ELAPOR1: variants seen among roughly 807,000 people sequenced by gnomAD.
The protein encoded by ELAPOR1 is endosome/lysosome-associated apoptosis and autophagy regulator 1.
ELAPOR1 carries 77 observed loss-of-function variants against 119.7 expected under a neutral mutation model. The ratio of observed to expected loss-of-function variants is 0.64; its 90% CI spans 0.54 to 0.78. The LOEUF (loss-of-function observed/expected upper bound fraction) is 0.78, where lower values mean the gene tolerates loss of function less well. ELAPOR1 is among the 30% of genes least tolerant of loss of function. The pLI, the probability that ELAPOR1 is intolerant of heterozygous loss-of-function variation, is 0.00. For missense variants in ELAPOR1, 1,115 were observed against 1,270.4 expected (o/e 0.88, Z 1.86); for synonymous variants, 481 against 487.2 (o/e 0.99, Z 0.17).
At chr1:109,189,468 G>A in intron 10 of ELAPOR1, 124 bp from the exon 11 acceptor site, 1 of 902,884 alleles carries the variant, frequency 1.1e-6, no homozygotes, top group Non-Finnish European at 1.7e-6. Flanking sequence ...CACGGTTCAT[G>A]TTCAGTGGTG....
At chr1:109,141,143 TGCCCG>T (rs1649802385) in intron 1 of ELAPOR1, among the ~76,000 whole-genome samples, 5 of 151,782 alleles carry the variant, frequency 3.3e-5, no homozygotes, top group African/African-American at 1.2e-4. Flanking sequence ...TGAGCCATCA[TGCCCG>T]GCCAAATGCA....
intron 7 of ELAPOR1, 24 bp downstream of exon 7, chr1:109,173,861 A>T: frequency 6.2e-7 from 1 of 1,612,624 alleles, no homozygotes; most frequent in Non-Finnish European, 8.5e-7. Flanking sequence ...GGGTGGGAAG[A>T]GTTTGGGGAT....
chr1:109,116,680 C>CTTCTGTTCTTTTTTT (rs777051377), intron 1 of ELAPOR1, among the ~76,000 whole-genome samples: 4 of 96,868 alleles, frequency 4.1e-5, no homozygotes, highest in African/African-American at 1.1e-4. Context: ...CTTCTCTGTT[C>CTTCTGTTCTTTTTTT]TTTTTTTTTT....
chr1:109,143,534 T>C (rs1352965289), intron 1 of ELAPOR1, among the ~76,000 whole-genome samples: 1 of 152,222 alleles, frequency 6.6e-6, no homozygotes, highest in Non-Finnish European at 1.5e-5. Flanking sequence ...TGGGATTAGA[T>C]AGTGGTGATG....
Position 109,192,615 on chromosome 1 carries a change from G to A in ELAPOR1, c.1688G>A (p.Arg563Lys). ...CTCTTGTTTCCTTGTCTCCAGAGCA[G>A]GAAGTACACCAATGACGTTGCCAAG... Reference protein sequence around the residue: ...FQRTTFHEASRKYTNDVAKIY... With the variant: ...FQRTTFHEASKKYTNDVAKIY... Residue 563 changes from arginine to lysine, a missense_variant, in exon 14 of 22, where the codon AGG becomes AAG. Transcript: ENST00000369939. 3 of 1,613,844 alleles carry A rather than the reference G, an allele frequency of 1.9e-6. No individual in the cohort carries two copies. Among genetic ancestry groups the A allele is most frequent in the Non-Finnish European group, 2.5e-6 (3 of 1,179,900 alleles).
At chr1:109,184,591 T>C (rs564056892) in intron 7 of ELAPOR1, among the ~76,000 whole-genome samples, 9 of 152,254 alleles carry the variant, frequency 5.9e-5, no homozygotes, top group Non-Finnish European at 1.2e-4. Context: ...AATCATGTTT[T>C]ACTTCAACAC....
chr1:109,192,583 C>T, intron 13 of ELAPOR1, 28 bp from the exon 14 acceptor site: 1 of 1,611,346 alleles, frequency 6.2e-7, no homozygotes, highest in South Asian at 1.1e-5. Flanking sequence ...GGCCTCTCCC[C>T]TCTCCCCTCT....
chr1:109,166,658 G>A (rs1003548700), intron 3 of ELAPOR1, among the ~76,000 whole-genome samples: 8 of 152,156 alleles, frequency 5.3e-5, no homozygotes, highest in African/African-American at 1.4e-4. Flanking sequence ...TACAGCCGGC[G>A]AGATTGAAAT....
chr1:109,191,538 G>T, intron 12 of ELAPOR1, 67 bp downstream of exon 12: 1 of 1,410,052 alleles, frequency 7.1e-7, no homozygotes, highest in South Asian at 1.2e-5. Flanking sequence ...TGCCCCATTG[G>T]TGTGTCCACG....
intron 1 of ELAPOR1, among the ~76,000 whole-genome samples, chr1:109,122,325 C>G (rs1648484494): frequency 6.7e-6 from 1 of 150,104 alleles, no homozygotes; most frequent in South Asian, 2.1e-4. Flanking sequence ...AGGCGTGAGC[C>G]ACTGTGCCCA....
At position 109,122,576 on chromosome 1, in the gene ELAPOR1, A is replaced by G. The variant is rs141084092; in HGVS notation, c.153+8240A>G. Among the ~76,000 whole-genome samples, 1,474 of 152,054 alleles carry G rather than the reference A, an allele frequency of 9.7e-3. 24 individuals carry two copies. Among genetic ancestry groups the G allele is most frequent in the African/African-American group, 0.033 (1,358 of 41,478 alleles). On this transcript the variant is annotated intron_variant, in intron 1 of 21. Coordinates refer to ENST00000369939, the MANE Select transcript of ELAPOR1 (RefSeq NM_020775.5). ...CTAGGGAGACTGAGGTGGGAGGTTCACTTGAACCCATGAGTTAAAGATTAC... is the reference window on the plus strand; with the variant it reads ...CTAGGGAGACTGAGGTGGGAGGTTCGCTTGAACCCATGAGTTAAAGATTAC...
Position 109,186,494 on chromosome 1 carries a change from TAAC to T in ELAPOR1, c.1041+1364_1041+1366del, listed in dbSNP as rs112866320. 5,238 of 985,260 alleles carry T rather than the reference TAAC, an allele frequency of 5.3e-3. 151 individuals carry two copies. In the African/African-American group the frequency reaches 0.064, roughly 12 times the overall value. The allele number at this position is 985,260 out of a possible 1,614,324, so 61.0% of individuals were successfully genotyped here. ...TAAGCATGGGTTAAAGTCTGGTCCT[TAAC>T]AATGAATATTTTGCACAGTCATCTC... On this transcript the variant is annotated intron_variant, in intron 8 of 21. Transcript: ENST00000369939.
chr1:109,150,958 G>A (rs906152368), intron 1 of ELAPOR1, among the ~76,000 whole-genome samples: 4 of 152,148 alleles, frequency 2.6e-5, no homozygotes, highest in African/African-American at 9.7e-5. Context: ...AGACTCCTTA[G>A]AGGATCTGAA....
chr1:109,160,247 C>G (rs1651160030), intron 1 of ELAPOR1, among the ~76,000 whole-genome samples: 2 of 150,826 alleles, frequency 1.3e-5, no homozygotes, highest in Non-Finnish European at 2.9e-5. Context: ...GTCAAGATTA[C>G]AGTGAGCCAT....
In ELAPOR1 at chr1:109,203,004, G is replaced by C; in HGVS notation, c.3034G>C (p.Asp1012His). ...GACATCCTCAGGAGGCCTAGACATGGACCTGTGAGAGGCACTGCCTGCCTC... is the reference window on the plus strand; with the variant it reads ...GACATCCTCAGGAGGCCTAGACATGCACCTGTGAGAGGCACTGCCTGCCTC... ...LKTSSGGLDM[D>H]L is the part of the protein sequence containing the mutation. Residue 1012 changes from aspartate (D) to histidine (H), a missense_variant, in exon 22 of 22, where the codon GAC becomes CAC. By Grantham distance (81) the Asp-to-His change is moderately conservative (BLOSUM62 -1). Coordinates refer to ENST00000369939, the MANE Select transcript of ELAPOR1 (RefSeq NM_020775.5). The C allele has an allele frequency of 6.2e-7, 1 of 1,611,484 alleles. No homozygotes were observed. Among genetic ancestry groups the C allele is most frequent in the Non-Finnish European group, 8.5e-7 (1 of 1,178,218 alleles).
intron 1 of ELAPOR1, among the ~76,000 whole-genome samples, chr1:109,116,800 C>T (rs933087821): frequency 6.6e-6 from 1 of 151,684 alleles, no homozygotes; most frequent in Non-Finnish European, 1.5e-5. Context: ...AAGCAATTCT[C>T]CTGCCTCAGC....
intron 8 of ELAPOR1, chr1:109,187,743 T>C: frequency 1.2e-6 from 1 of 821,056 alleles, no homozygotes; most frequent in Non-Finnish European, 1.5e-6. Flanking sequence ...AAAAAATAAG[T>C]GGGGACATCT....
chr1:109,158,489 T>C (rs1221943577), intron 1 of ELAPOR1, among the ~76,000 whole-genome samples: 1 of 152,160 alleles, frequency 6.6e-6, no homozygotes, highest in Non-Finnish European at 1.5e-5. Flanking sequence ...CCTTCTCATG[T>C]GCCCAGGAGT....
At chr1:109,186,987 G>T (rs946491805) in intron 8 of ELAPOR1, 1 of 985,446 alleles carries the variant, frequency 1.0e-6, no homozygotes, top group South Asian at 4.7e-5. Context: ...TCAGGAGTGC[G>T]CATGAACATG....
Sources: allele counts gnomAD v4.1 joint callset (sites outside exome capture counted in the v4.1 genomes callset), GRCh38; gene constraint gnomAD v4.1.1; transcripts MANE v1.5; gene names NCBI Gene and HGNC (gene_info 2026-07-23, HGNC 2026-07-21).